Variants in SPMIP2 observed in about 807,000 individuals in gnomAD.
The protein encoded by SPMIP2 is protein SPMIP2.
At chr4:159,078,984 G>A in the SPMIP2 span, among the ~76,000 whole-genome samples, 1 of 152,034 alleles carries the variant, frequency 6.6e-6, no homozygotes, top group Non-Finnish European at 1.5e-5. Context: ...TGGGTGTGGT[G>A]GTGCAAGCCT....
At chr4:158,912,310 C>G in the SPMIP2 span, among the ~76,000 whole-genome samples, 1 of 152,148 alleles carries the variant, frequency 6.6e-6, no homozygotes, top group African/African-American at 2.4e-5. Context: ...TGTAATTAAG[C>G]TCTCTAACCT....
chr4:159,049,095 T>C, the SPMIP2 span, among the ~76,000 whole-genome samples: 3 of 152,188 alleles, frequency 2.0e-5, no homozygotes, highest in African/African-American at 7.2e-5. Flanking sequence ...AATTCTCTAT[T>C]GTAAATTGAC....
the SPMIP2 span, among the ~76,000 whole-genome samples, chr4:159,037,831 T>C: frequency 3.5e-4 from 52 of 147,338 alleles, no homozygotes; most frequent in African/African-American, 1.1e-3. Flanking sequence ...CACACACATA[T>C]ATATATGTAT....
chr4:159,007,560 A>T, the SPMIP2 span: 2 of 1,091,704 alleles, frequency 1.8e-6, no homozygotes, highest in South Asian at 2.4e-5. Flanking sequence ...GGTGCTGGAG[A>T]GGGTGAATGC....
chr4:158,895,772 G>A, the SPMIP2 span: 6 of 1,612,040 alleles, frequency 3.7e-6, no homozygotes, highest in Non-Finnish European at 5.1e-6. Context: ...CTTGAAGATA[G>A]ACTACAGGAG....
the SPMIP2 span, among the ~76,000 whole-genome samples, chr4:158,981,661 G>T: frequency 6.6e-6 from 1 of 152,198 alleles, no homozygotes; most frequent in South Asian, 2.1e-4. Flanking sequence ...AATGCTGAGG[G>T]ATTTTGTCAC....
At chr4:158,933,144 C>T in the SPMIP2 span, among the ~76,000 whole-genome samples, 5 of 152,198 alleles carry the variant, frequency 3.3e-5, no homozygotes, top group Non-Finnish European at 7.3e-5. Flanking sequence ...GCTGGGATTA[C>T]AGGCACACAC....
chr4:159,013,174 T>C, the SPMIP2 span, among the ~76,000 whole-genome samples: 8 of 152,176 alleles, frequency 5.3e-5, no homozygotes, highest in Non-Finnish European at 8.8e-5. Flanking sequence ...GGAAAAGGTA[T>C]GGTGATTCCT....
At chr4:158,915,204 G>A in the SPMIP2 span, 2 of 1,613,528 alleles carry the variant, frequency 1.2e-6, no homozygotes, top group Non-Finnish European at 1.7e-6. Context: ...CAGCTTAGGT[G>A]GTTTGGAAGC....
the SPMIP2 span, among the ~76,000 whole-genome samples, chr4:158,977,181 A>T: frequency 6.6e-6 from 1 of 152,164 alleles, no homozygotes; most frequent in African/African-American, 2.4e-5. Context: ...TACCAGCTCC[A>T]CTTTGCACCC....
the SPMIP2 span, among the ~76,000 whole-genome samples, chr4:159,069,805 TAC>T: frequency 1.3e-5 from 2 of 152,154 alleles, no homozygotes; most frequent in South Asian, 4.1e-4. Flanking sequence ...GGATATTTAA[TAC>T]AAAGTGGAGC....
the SPMIP2 span, among the ~76,000 whole-genome samples, chr4:159,008,342 G>A: frequency 6.6e-6 from 1 of 152,240 alleles, no homozygotes; most frequent in African/African-American, 2.4e-5. Context: ...GGAGGCCAAG[G>A]CGGGTGGATC....
chr4:158,996,678 A>C, the SPMIP2 span, among the ~76,000 whole-genome samples: 2 of 152,198 alleles, frequency 1.3e-5, no homozygotes, highest in East Asian at 3.8e-4. Flanking sequence ...TGTGCACTGC[A>C]TCCTCTCCTT....
chr4:159,040,077 T>C, the SPMIP2 span, among the ~76,000 whole-genome samples: 1 of 152,226 alleles, frequency 6.6e-6, no homozygotes, highest in African/African-American at 2.4e-5. Flanking sequence ...TGCCACCGTT[T>C]AGCAGTGAAC....
At chr4:159,037,753 A>G in the SPMIP2 span, among the ~76,000 whole-genome samples, 1 of 151,006 alleles carries the variant, frequency 6.6e-6, no homozygotes, top group Admixed American at 6.6e-5. Context: ...AGCCTGGGTG[A>G]CAGAGTGAGA....
At chr4:158,963,884 G>A in the SPMIP2 span, among the ~76,000 whole-genome samples, 41,988 of 151,932 alleles carry the variant, frequency 0.28, 5,943 homozygotes, top group African/African-American at 0.29. Flanking sequence ...GGGGTCAGCC[G>A]AGTACGGTGG....
the SPMIP2 span, among the ~76,000 whole-genome samples, chr4:158,975,010 G>GAT: frequency 6.6e-6 from 1 of 152,176 alleles, no homozygotes; most frequent in South Asian, 2.1e-4. Context: ...TAACTGGTGT[G>GAT]ATATGGTATC....
chr4:159,030,311 C>G, the SPMIP2 span, among the ~76,000 whole-genome samples: 1 of 151,796 alleles, frequency 6.6e-6, no homozygotes, highest in South Asian at 2.1e-4. Flanking sequence ...ACTTGGGAGG[C>G]TGAGGTGGGA....
chr4:159,010,788 C>T, the SPMIP2 span, among the ~76,000 whole-genome samples: 1 of 152,054 alleles, frequency 6.6e-6, no homozygotes, highest in Admixed American at 6.6e-5. Flanking sequence ...GTCAGCTCCA[C>T]GCTCCACACC....
Sources: gnomAD v4.1 joint callset for allele counts (sites outside exome capture counted in the v4.1 genomes callset) on GRCh38, gnomAD v4.1.1 for gene constraint, MANE v1.5 for transcripts, NCBI Gene and HGNC (gene_info 2026-07-23, HGNC 2026-07-21) for gene names.